ZC3H12B: variants seen among roughly 807,000 people sequenced by gnomAD.
ZC3H12B encodes the protein probable ribonuclease ZC3H12B.
A neutral mutation model predicts 43.9 loss-of-function variants in ZC3H12B; 7 were observed. That is an observed-to-expected ratio of 0.16 (90% CI 0.09 to 0.30). The LOEUF (loss-of-function observed/expected upper bound fraction) is 0.30, where lower values mean the gene tolerates loss of function less well. Ranked by LOEUF, ZC3H12B falls within the 10% of genes least tolerant of loss-of-function variation. The pLI, the probability that ZC3H12B is intolerant of heterozygous loss-of-function variation, is 1.00. For synonymous variants in ZC3H12B, 222 were observed against 241.7 expected (o/e 0.92, Z 0.76); for missense variants, 475 against 670.2 (o/e 0.71, Z 3.22).
Position 65,417,098 on chromosome X carries a change from T to G in ZC3H12B, n.407+18394T>G, listed in dbSNP as rs565240615. 3.0e-4 allele frequency among the ~76,000 whole-genome samples: 34 copies of G among 111,753 alleles called. 1 individual carries two copies. The South Asian group carries it at 0.011, about 37-fold the overall frequency. The stretch of plus-strand genomic sequence containing the variant: ...TTTCCCAAGCCTAGACCATTGCTTC[T>G]CAAACCTACCTGGGGATTTTTCTAA... On this transcript the variant is annotated intron_variant and non_coding_transcript_variant, in intron 3 of 5. Transcript: ENST00000617377.
the ZC3H12B span, among the ~76,000 whole-genome samples, chrX:65,058,769 G>C: frequency 2.7e-5 from 3 of 112,083 alleles, no homozygotes; most frequent in African/African-American, 9.7e-5. Flanking sequence ...TCAAGCCTCA[G>C]CAGTGGCGGC....
chrX:65,257,683 A>G, the ZC3H12B span, among the ~76,000 whole-genome samples: 1 of 111,051 alleles, frequency 9.0e-6, no homozygotes, highest in Non-Finnish European at 1.9e-5. Context: ...ATAATCATAA[A>G]TGACTAAGGG....
the ZC3H12B span, among the ~76,000 whole-genome samples, chrX:65,178,958 T>C: frequency 8.9e-6 from 1 of 112,150 alleles, no homozygotes; most frequent in Non-Finnish European, 1.9e-5. Context: ...CACATGCACA[T>C]GTACGTTTAT....
chrX:65,318,310 CG>C, the ZC3H12B span, among the ~76,000 whole-genome samples: 1 of 109,711 alleles, frequency 9.1e-6, no homozygotes, highest in African/African-American at 3.3e-5. Flanking sequence ...ATTTGCTGGC[CG>C]TTTGTATTTC....
chrX:65,347,444 T>G, the ZC3H12B span, among the ~76,000 whole-genome samples: 50 of 111,998 alleles, frequency 4.5e-4, no homozygotes, highest in East Asian at 0.01. Flanking sequence ...CAGACAGTTC[T>G]CAAAAGAAGA....
the ZC3H12B span, among the ~76,000 whole-genome samples, chrX:65,170,952 T>G: frequency 3.6e-5 from 4 of 111,590 alleles, no homozygotes; most frequent in African/African-American, 9.8e-5. Context: ...TTTTTCAAGG[T>G]TTTTAGCTTA....
chrX:65,132,385 G>T, the ZC3H12B span, among the ~76,000 whole-genome samples: 1 of 110,877 alleles, frequency 9.0e-6, no homozygotes, highest in South Asian at 3.8e-4. Context: ...GCCTGTTGTG[G>T]GATGGGATAC....
At chrX:65,410,540 G>A (rs770757682) in intron 3 of ZC3H12B, among the ~76,000 whole-genome samples, 4 of 111,460 alleles carry the variant, frequency 3.6e-5, no homozygotes, top group South Asian at 7.5e-4. Context: ...CCACAGAATG[G>A]GAGAAGGATA....
At chrX:65,490,055 CT>C (rs2068182382) in intron 1 of ZC3H12B, among the ~76,000 whole-genome samples, 2 of 111,956 alleles carry the variant, frequency 1.8e-5, no homozygotes, top group African/African-American at 6.5e-5. Flanking sequence ...CAATGATGAT[CT>C]CTGAACTACA....
chrX:65,395,146 T>C (rs745987907), intron 2 of ZC3H12B, among the ~76,000 whole-genome samples: 1 of 112,093 alleles, frequency 8.9e-6, no homozygotes, highest in African/African-American at 3.2e-5. Context: ...AATCATGTCA[T>C]CTGTAAACAG....
chrX:65,093,706 AC>A, the ZC3H12B span, among the ~76,000 whole-genome samples: 1 of 111,796 alleles, frequency 8.9e-6, no homozygotes, highest in Non-Finnish European at 1.9e-5. Context: ...TAATGCTTAT[AC>A]CCCCATAGTA....
At chrX:65,099,175 G>A in the ZC3H12B span, among the ~76,000 whole-genome samples, 1 of 111,825 alleles carries the variant, frequency 8.9e-6, no homozygotes, top group East Asian at 2.8e-4. Flanking sequence ...CCTCTTGACT[G>A]GGCAGGACAT....
At chrX:65,177,134 C>T in the ZC3H12B span, among the ~76,000 whole-genome samples, 2 of 112,245 alleles carry the variant, frequency 1.8e-5, no homozygotes, top group African/African-American at 6.5e-5. Context: ...ATACACAAAG[C>T]ATTAAACATA....
chrX:65,118,074 A>C, the ZC3H12B span, among the ~76,000 whole-genome samples: 5 of 111,573 alleles, frequency 4.5e-5, no homozygotes, highest in Non-Finnish European at 7.5e-5. Flanking sequence ...TGAGCTTTAA[A>C]GTAGTTTTTT....
chrX:65,360,646 T>G, the ZC3H12B span, among the ~76,000 whole-genome samples: 1 of 112,536 alleles, frequency 8.9e-6, no homozygotes, highest in African/African-American at 3.2e-5. Context: ...GGCAGCTTCT[T>G]AAGTTAATCA....
chrX:65,228,307 G>T, the ZC3H12B span, among the ~76,000 whole-genome samples: 12 of 111,690 alleles, frequency 1.1e-4, no homozygotes, highest in Admixed American at 3.8e-4. Context: ...AATAGATGCA[G>T]AAAAGGCCTT....
At chrX:65,174,748 G>A in the ZC3H12B span, among the ~76,000 whole-genome samples, 1 of 111,485 alleles carries the variant, frequency 9.0e-6, no homozygotes, top group Non-Finnish European at 1.9e-5. Flanking sequence ...GTTCCAAGTT[G>A]ACTTCAGACT....
chrX:65,053,628 TG>T, the ZC3H12B span, among the ~76,000 whole-genome samples: 2 of 111,510 alleles, frequency 1.8e-5, no homozygotes, highest in African/African-American at 6.5e-5. Context: ...TACCCAGTAA[TG>T]GGATGGCTGG....
the ZC3H12B span, among the ~76,000 whole-genome samples, chrX:65,125,255 G>A: frequency 8.9e-6 from 1 of 111,796 alleles, no homozygotes; most frequent in Non-Finnish European, 1.9e-5. Flanking sequence ...TGATTGTTCA[G>A]AAGCAGGTTA....
Sources: allele counts gnomAD v4.1 joint callset (sites outside exome capture counted in the v4.1 genomes callset), GRCh38; gene constraint gnomAD v4.1.1; transcripts MANE v1.5; gene names NCBI Gene and HGNC (gene_info 2026-07-23, HGNC 2026-07-21).